The following PGF variants were observed in gnomAD, a reference collection of about 807,000 sequenced individuals.
The protein encoded by PGF is placental growth factor, also known as placenta growth factor.
In PGF, 11 loss-of-function variants were observed where a neutral mutation model predicts 25.3. The ratio of observed to expected loss-of-function variants is 0.43; its 90% CI spans 0.27 to 0.72. The LOEUF (loss-of-function observed/expected upper bound fraction) is 0.72, where lower values mean the gene tolerates loss of function less well. Ranked by LOEUF, PGF falls within the 30% of genes least tolerant of loss-of-function variation. PGF has a pLI of 0.18. For missense variants in PGF, 230 were observed against 234.9 expected (o/e 0.98, Z 0.14); for synonymous variants, 105 against 97.9 (o/e 1.07, Z -0.43).
intron 1 of PGF, 132 bp from the exon 2 acceptor site, chr14:74,954,078 T>C: frequency 1.2e-6 from 1 of 809,850 alleles, no homozygotes; most frequent in South Asian, 1.5e-5. Flanking sequence ...CTGCCCTGTC[T>C]CAGAGCAGCC....
At chr14:74,944,254 C>A (rs543569751) in intron 6 of PGF, among the ~76,000 whole-genome samples, 1 of 152,008 alleles carries the variant, frequency 6.6e-6, no homozygotes, top group Non-Finnish European at 1.5e-5. Context: ...AGGCACCCAC[C>A]ACCACACCCG....
intron 1 of PGF, among the ~76,000 whole-genome samples, chr14:74,954,834 C>T (rs1594990995): frequency 1.3e-5 from 2 of 152,126 alleles, no homozygotes; most frequent in South Asian, 2.1e-4. Flanking sequence ...CATGGGGCCT[C>T]GACCCTGACC....
chr14:74,946,756 C>T (rs548291309), intron 4 of PGF: 1 of 704,596 alleles, frequency 1.4e-6, no homozygotes, highest in South Asian at 1.5e-5. Flanking sequence ...TTTTTCCGTT[C>T]CTTCCAGGGT....
Position 74,955,222 on chromosome 14 carries a change from G to C in PGF, c.21C>G (p.Phe7Leu), listed in dbSNP as rs1566860590. The C allele has an allele frequency of 6.7e-7, 1 of 1,485,578 alleles. No individual in the cohort carries two copies. The allele number at this position is 1,485,578 out of a possible 1,614,324, so 92.0% of individuals were successfully genotyped here. The change falls in exon 1 of 7, where the codon TTC becomes TTG. Residue 7 changes from phenylalanine to leucine, a missense_variant. Phe to Leu is a conservative substitution (Grantham distance 22, BLOSUM62 0). Transcript: ENST00000555567. This position sits in a 1 kb window ranked among gnomAD's most constrained non-coding sequence, Gnocchi z 4.1. ...CGGCCAGGAGCTGCAGGAAGCAAGG[G>C]AACAGCCTCATGACCGGCATCTTCT... MPVMRL[F>L]PCFLQLLAGL...
At chr14:74,944,922 CTTTT>C (rs5809688) in intron 6 of PGF, 11 of 116,344 alleles carry the variant, frequency 9.5e-5, no homozygotes, top group Admixed American at 2.6e-4. Flanking sequence ...TTTTGGAATT[CTTTT>C]TTTTTTTTTT....
At position 74,955,441 on chromosome 14, in the gene PGF, G is replaced by A. The variant is rs1308078300; in HGVS notation, c.-199C>T. On this transcript the variant is annotated 5_prime_UTR_variant, in exon 1 of 7. Coordinates refer to ENST00000555567, the MANE Select transcript of PGF (RefSeq NM_002632.6). The surrounding 1 kb of genome is among the most constrained non-coding windows in gnomAD (Gnocchi z 4.1). ...GGAGCCCGTAGGTAAGGCTGTGGCTGGGGAACCCGACGGGGAGCGGCCCGG... is the reference window on the plus strand; with the variant it reads ...GGAGCCCGTAGGTAAGGCTGTGGCTAGGGAACCCGACGGGGAGCGGCCCGG... 1 of 398,756 alleles carries A rather than the reference G, an allele frequency of 2.5e-6. No individual in the cohort carries two copies. The highest frequency in any genetic ancestry group is 4.4e-6 in the Non-Finnish European group (1 of 225,380). 24.7% of individuals were successfully genotyped at this position (398,756 alleles called of 1,614,324 possible).
At chr14:74,943,628 G>A (rs1482508424) in intron 6 of PGF, among the ~76,000 whole-genome samples, 1 of 152,278 alleles carries the variant, frequency 6.6e-6, no homozygotes, top group East Asian at 1.9e-4. Flanking sequence ...TGATAAACAG[G>A]AATTAAATTA....
chr14:74,951,973 G>A (rs920138417), intron 2 of PGF, among the ~76,000 whole-genome samples: 5 of 152,282 alleles, frequency 3.3e-5, no homozygotes, highest in South Asian at 2.1e-4. Context: ...AGCTGTCCCC[G>A]AGAGCACTTC....
chr14:74,942,661 A>C lies in PGF; in HGVS notation c.*45T>G. 6.3e-7 allele frequency: 1 copy of C among 1,595,092 alleles called. No individual in the cohort carries two copies. The highest frequency in any genetic ancestry group is 8.6e-7 in the Non-Finnish European group (1 of 1,166,000). On this transcript the variant is annotated 3_prime_UTR_variant, in exon 7 of 7. Coordinates refer to ENST00000555567, the MANE Select transcript of PGF (RefSeq NM_002632.6). Reference sequence around the variant, plus strand: ...AGTCACTGAAGAGTGTGACGGTAATAAATACACGAGCCGGGTGCGGGGTCT... The same window carrying C: ...AGTCACTGAAGAGTGTGACGGTAATCAATACACGAGCCGGGTGCGGGGTCT...
chr14:74,947,122 A>G lies in PGF; in HGVS notation c.393-714T>C, dbSNP rs1888757370. On this transcript the variant is annotated intron_variant, in intron 4 of 6. Transcript: ENST00000555567. The stretch of plus-strand genomic sequence containing the variant: ...TGGTTCCTCCCTTGGGAGCCAGGGC[A>G]AGGTACCAGGGCCTCTTGGGACTGT... 4 of 481,126 alleles carry G rather than the reference A, an allele frequency of 8.3e-6. No individual in the cohort carries two copies. The South Asian group carries it at 1.4e-4, about 16-fold the overall frequency. The allele number at this position is 481,126 out of a possible 1,614,324, so 29.8% of individuals were successfully genotyped here.
chr14:74,954,032 G>T (rs948365146), intron 1 of PGF, 86 bp from the exon 2 acceptor site: 5 of 1,349,580 alleles, frequency 3.7e-6, no homozygotes, highest in Non-Finnish European at 5.3e-6. Context: ...GAAGGTAGGG[G>T]CCCCTCTGGG....
At chr14:74,946,518 C>G in intron 4 of PGF, 110 bp from the exon 5 acceptor site, 1 of 1,081,564 alleles carries the variant, frequency 9.2e-7, no homozygotes, top group Non-Finnish European at 1.3e-6. Context: ...GGTCCTGCAG[C>G]TGACACTGAG....
intron 5 of PGF, 41 bp downstream of exon 5, chr14:74,946,338 C>G (rs752779606): frequency 6.2e-7 from 1 of 1,613,802 alleles, no homozygotes; most frequent in African/African-American, 1.3e-5. Flanking sequence ...CAGAGGCTGG[C>G]AGGCCCGAGA....
chr14:74,948,979 G>T (rs1046566348), intron 3 of PGF, among the ~76,000 whole-genome samples: 1 of 152,224 alleles, frequency 6.6e-6, no homozygotes. Context: ...GCACGCCTAG[G>T]ACAGTGCTTG....
At chr14:74,946,178 G>A in intron 6 of PGF, 35 bp downstream of exon 6, 2 of 1,602,836 alleles carry the variant, frequency 1.2e-6, no homozygotes, top group Non-Finnish European at 8.5e-7. Flanking sequence ...CTCGGGCCCA[G>A]CCTCCTCGCC....
Position 74,955,431 on chromosome 14 carries a change from G to A in PGF, c.-189C>T. On this transcript the variant is annotated 5_prime_UTR_variant, in exon 1 of 7. Transcript: ENST00000555567. The surrounding 1 kb of genome is among the most constrained non-coding windows in gnomAD (Gnocchi z 4.1). ...TGCGGAGTCAGGAGCCCGTAGGTAA[G>A]GCTGTGGCTGGGGAACCCGACGGGG... 1 of 402,030 alleles carries A rather than the reference G, an allele frequency of 2.5e-6. No individual in the cohort carries two copies. The highest frequency in any genetic ancestry group is 4.4e-6 in the Non-Finnish European group (1 of 227,012). The allele number at this position is 402,030 out of a possible 1,614,324, so 24.9% of individuals were successfully genotyped here. A position where few individuals can be genotyped will look rare whatever the true frequency, so the allele number is the denominator to read the frequency against.
rs1236557564 is a variant in PGF at position 74,955,200 on chromosome 14, C to A, written c.43G>T (p.Ala15Ser). ...RLFPCFLQLLAGLALPAVPPQ... is the reference protein window; with the variant it reads ...RLFPCFLQLLSGLALPAVPPQ... ...GGCACAGCAGGCAGCGCCAGCCCGG[C>A]CAGGAGCTGCAGGAAGCAAGGGAAC... Residue 15 changes from alanine (A) to serine (S), a missense_variant, in exon 1 of 7, where the codon GCC (alanine) becomes TCC (serine). Physicochemically the swap from Ala to Ser is moderately conservative, Grantham distance 99. Coordinates refer to ENST00000555567, the MANE Select transcript of PGF (RefSeq NM_002632.6). The surrounding 1 kb of genome is among the most constrained non-coding windows in gnomAD (Gnocchi z 4.1). The A allele has an allele frequency of 6.7e-7, 1 of 1,489,392 alleles. No individual in the cohort carries two copies. The highest frequency in any genetic ancestry group is 2.8e-5 in the East Asian group (1 of 35,800). 92.3% of individuals were successfully genotyped at this position (1,489,392 alleles called of 1,614,324 possible).
rs749171908 is a variant in PGF, at chr14:74,948,524, G to A, written c.375C>T (p.His125=). ...AGACCTACCGGCATTCGCAGCGAAC[G>A]TGCTGAGAGAACGTCAGCTCCACGT... ...PSYVELTFSQ[H]VRCECRPLRE... Residue 125 remains histidine (H), a synonymous_variant, in exon 4 of 7, where the codon CAC becomes CAT. Transcript: ENST00000555567. The A allele has an allele frequency of 2.8e-5, 44 of 1,598,354 alleles. No individual in the cohort carries two copies. Among genetic ancestry groups the A allele is most frequent in the Middle Eastern group, 1.7e-4 (1 of 6,030 alleles).
In PGF at chr14:74,953,757, T is replaced by C; in HGVS notation, c.118+147A>G. ...CACCATGAGGGGATCTCTTAGGCCC[T>C]GCCAAAGTCATCACCCAGCATGTCT... On this transcript the variant is annotated intron_variant, in intron 2 of 6. Transcript: ENST00000555567. This position sits in a 1 kb window ranked among gnomAD's most constrained non-coding sequence, Gnocchi z 5.4. The C allele has an allele frequency of 1.2e-6, 1 of 826,182 alleles. No individual in the cohort carries two copies. The allele number at this position is 826,182 out of a possible 1,614,324, so 51.2% of individuals were successfully genotyped here.
Sources: allele counts gnomAD v4.1 joint callset (sites outside exome capture counted in the v4.1 genomes callset), GRCh38; gene constraint gnomAD v4.1.1; non-coding constraint Gnocchi (gnomAD v3.1); transcripts MANE v1.5; gene names NCBI Gene and HGNC (gene_info 2026-07-23, HGNC 2026-07-21).